AMZ1: variants seen among roughly 807,000 people sequenced by gnomAD.
AMZ1 encodes the protein archaelysin family metallopeptidase 1.
A neutral mutation model predicts 29.9 loss-of-function variants in AMZ1; 39 were observed. The ratio of observed to expected loss-of-function variants is 1.30; its 90% CI spans 1.01 to 1.70. The LOEUF is 1.70. Among genes scored for constraint, AMZ1 ranks in the 40% most tolerant of loss-of-function variants. The pLI is 0.00. For synonymous variants in AMZ1, 458 were observed against 304.0 expected (o/e 1.51, Z -5.27); for missense variants, 1,041 against 680.6 (o/e 1.53, Z -5.89).
intron 4 of AMZ1, among the ~76,000 whole-genome samples, chr7:2,744,633 C>G (rs998970815): frequency 6.6e-6 from 1 of 152,190 alleles, no homozygotes; most frequent in Non-Finnish European, 1.5e-5. Flanking sequence ...CAAAGGAACG[C>G]AGCTCCTCAC....
intron 4 of AMZ1, 148 bp downstream of exon 4, chr7:2,708,864 C>T (rs76742746): frequency 0.012 from 15,772 of 1,367,466 alleles, 132 homozygotes; most frequent in Non-Finnish European, 0.014. Flanking sequence ...TGGCCCCTTC[C>T]AGCTCCTCCT....
At chr7:2,701,062 G>C (rs962457894) in intron 2 of AMZ1, among the ~76,000 whole-genome samples, 14 of 152,182 alleles carry the variant, frequency 9.2e-5, no homozygotes, top group African/African-American at 2.9e-4. Context: ...CAGGCACTGT[G>C]CTGCGGGCTG....
chr7:2,726,061 C>G (rs927343422), intron 4 of AMZ1, among the ~76,000 whole-genome samples: 14 of 152,220 alleles, frequency 9.2e-5, no homozygotes, highest in African/African-American at 3.4e-4. Context: ...AGTGGCCTGT[C>G]CTCTTCAAAG....
Position 2,712,573 on chromosome 7 carries a change from G to C in AMZ1, c.1192G>C (p.Gly398Arg). ...LAASEAPLPP[G>R]GPAEAIKEHE... is the part of the protein sequence containing the mutation. ...AGCCTCAGAGGCTCCGCTGCCACCT[G>C]GGGGCCCTGCGGAGGCCATCAAGGA... Residue 398 changes from glycine (G) to arginine (R), a missense_variant, in exon 7 of 7, where the codon GGG (glycine) becomes CGG (arginine). Coordinates refer to ENST00000683327, the MANE Select transcript of AMZ1 (RefSeq NM_001384743.1). The C allele has an allele frequency of 6.2e-7, 1 of 1,611,010 alleles. No homozygotes were observed. Among genetic ancestry groups the C allele is most frequent in the African/African-American group, 1.3e-5 (1 of 75,030 alleles).
intron 4 of AMZ1, among the ~76,000 whole-genome samples, chr7:2,740,921 T>C (rs752129850): frequency 4.6e-5 from 7 of 152,272 alleles, no homozygotes; most frequent in Non-Finnish European, 5.9e-5. Context: ...GGCAGGTGCC[T>C]GTAGTCCCAG....
intron 4 of AMZ1, among the ~76,000 whole-genome samples, chr7:2,743,545 A>G (rs1790610886): frequency 6.6e-6 from 1 of 152,224 alleles, no homozygotes; most frequent in African/African-American, 2.4e-5. Context: ...AAATCTTATC[A>G]GAGGTCAGGG....
At chr7:2,733,200 CT>C (rs1235060869) in intron 4 of AMZ1, among the ~76,000 whole-genome samples, 1 of 152,198 alleles carries the variant, frequency 6.6e-6, no homozygotes, top group African/African-American at 2.4e-5. Flanking sequence ...GGAAGTCCTC[CT>C]TTCACTCATG....
downstream of AMZ1, among the ~76,000 whole-genome samples, chr7:2,721,263 G>A (rs1319053916): frequency 6.6e-5 from 10 of 152,232 alleles, no homozygotes; most frequent in African/African-American, 2.4e-4. Context: ...GCCCTGTGCT[G>A]AGCGCTCACC....
chr7:2,726,174 T>A (rs1355005727), intron 4 of AMZ1, among the ~76,000 whole-genome samples: 1 of 152,248 alleles, frequency 6.6e-6, no homozygotes, highest in African/African-American at 2.4e-5. Flanking sequence ...AAAGGCTGCA[T>A]GTGCGTGAGG....
chr7:2,763,191 AACACACACACACACACACAC>A (rs56384682), upstream of AMZ1: 9 of 222,638 alleles, frequency 4.0e-5, no homozygotes, highest in East Asian at 1.5e-4. Flanking sequence ...AAGACACCCC[AACACACACACACACACACAC>A]ACACACACAC....
chr7:2,764,279 C>T (rs1791710647), upstream of AMZ1, among the ~76,000 whole-genome samples: 1 of 150,030 alleles, frequency 6.7e-6, no homozygotes, highest in Admixed American at 6.6e-5. Context: ...GATGGGATCT[C>T]ACTATGTTGC....
At chr7:2,690,227 G>C (rs1434020045) in intron 1 of AMZ1, among the ~76,000 whole-genome samples, 1 of 152,048 alleles carries the variant, frequency 6.6e-6, no homozygotes. Flanking sequence ...GAGAGAGACA[G>C]ACAGACAGAC....
chr7:2,691,154 T>C (rs1787365105), intron 1 of AMZ1, among the ~76,000 whole-genome samples: 1 of 123,410 alleles, frequency 8.1e-6, no homozygotes, highest in Admixed American at 8.2e-5. Context: ...AAAAAAAGCA[T>C]TTCTCATTTC....
At chr7:2,736,028 G>A (rs988606425) in intron 4 of AMZ1, among the ~76,000 whole-genome samples, 6 of 152,292 alleles carry the variant, frequency 3.9e-5, no homozygotes, top group African/African-American at 1.4e-4. Context: ...TGCTGATTGG[G>A]CACGCAGCCC....
intron 2 of AMZ1, 23 bp downstream of exon 2, chr7:2,700,778 G>A (rs763108870): frequency 1.2e-5 from 19 of 1,605,908 alleles, no homozygotes; most frequent in Middle Eastern, 3.6e-4. Context: ...TGCAGCCATC[G>A]GCACGCTCCT....
chr7:2,763,016 C>T (rs563265066), upstream of AMZ1: 395 of 1,277,406 alleles, frequency 3.1e-4, 11 homozygotes, highest in South Asian at 8.6e-3. Flanking sequence ...ACAGCCCCGC[C>T]GGCCACTGGC....
At chr7:2,724,178 C>G (rs1238323509), downstream of AMZ1, among the ~76,000 whole-genome samples, 1 of 152,202 alleles carries the variant, frequency 6.6e-6, no homozygotes, top group Non-Finnish European at 1.5e-5. Flanking sequence ...CTCAGCCTCC[C>G]AAGGTGCTGG....
intron 3 of AMZ1, among the ~76,000 whole-genome samples, chr7:2,705,435 T>C (rs769770542): frequency 6.6e-6 from 1 of 152,238 alleles, no homozygotes; most frequent in Non-Finnish European, 1.5e-5. Context: ...TGTAAGGTTC[T>C]GAGTCTTGAC....
chr7:2,743,439 T>C (rs1441015371), intron 4 of AMZ1, among the ~76,000 whole-genome samples: 1 of 152,154 alleles, frequency 6.6e-6, no homozygotes, highest in Non-Finnish European at 1.5e-5. Context: ...AACTCAAATA[T>C]CCCAGATACT....
Sources: allele counts gnomAD v4.1 joint callset (sites outside exome capture counted in the v4.1 genomes callset), GRCh38; gene constraint gnomAD v4.1.1; transcripts MANE v1.5; gene names NCBI Gene and HGNC (gene_info 2026-07-23, HGNC 2026-07-21).